Variants in RB1 observed in about 807,000 individuals in gnomAD.
RB1 encodes retinoblastoma-associated protein.
RB1 carries 18 observed loss-of-function variants against 135.4 expected under a neutral mutation model. The ratio of observed to expected loss-of-function variants is 0.13; its 90% CI spans 0.09 to 0.20. The LOEUF is 0.20. Among genes scored for constraint, RB1 ranks in the 10% least tolerant of loss-of-function variants. The probability of loss-of-function intolerance (pLI) is 1.00; values close to 1 mark genes in which losing one functional copy is unlikely to be tolerated. For missense variants in RB1, 868 were observed against 1,110.0 expected, an observed-to-expected ratio of 0.78 and a Z score of 3.10; for synonymous variants, 365 against 373.2, an observed-to-expected ratio of 0.98 and a Z score of 0.25.
rs2138364337 is a variant in RB1 at position 48,479,998 on chromosome 13, C to T, written c.2714C>T (p.Thr905Ile). 6.2e-7 allele frequency: 1 copy of T among 1,612,468 alleles called. No homozygotes were observed. ...SKFQQKLAEMTSTRTRMQKQK... is the reference protein window; with the variant it reads ...SKFQQKLAEMISTRTRMQKQK... Reference sequence around the variant, plus strand: ...TAACAGTTCTTCATCCTTTTTCCAGCTTCTACTCGAACACGAATGCAAAAG... The same window carrying T: ...TAACAGTTCTTCATCCTTTTTCCAGTTTCTACTCGAACACGAATGCAAAAG... Residue 905 changes from threonine (T) to isoleucine (I), a missense_variant and splice_region_variant, in exon 27 of 27, where the codon ACT becomes ATT. By Grantham distance (89) the Thr-to-Ile change is moderately conservative. Coordinates refer to ENST00000267163, the MANE Select transcript of RB1 (RefSeq NM_000321.3).
At chr13:48,474,883 G>A (rs750983722) in intron 24 of RB1, among the ~76,000 whole-genome samples, 1 of 151,902 alleles carries the variant, frequency 6.6e-6, no homozygotes, top group Non-Finnish European at 1.5e-5. Context: ...ATTCCCCTGA[G>A]AGCTTATATT....
intron 2 of RB1, among the ~76,000 whole-genome samples, chr13:48,331,968 T>C (rs1279861239): frequency 6.6e-6 from 1 of 152,220 alleles, no homozygotes; most frequent in Non-Finnish European, 1.5e-5. Context: ...ATTAAGATCA[T>C]GACAAACCCA....
rs142412820 is a variant in RB1 at position 48,419,910 on chromosome 13, A to G, written c.1696-33083A>G. ...GGCAGTAATTAATAGCGTACCAACC[A>G]AAAAAATCCCAGGAGCAGATGGATT... On this transcript the variant is annotated intron_variant, in intron 17 of 26. Coordinates refer to ENST00000267163, the MANE Select transcript of RB1 (RefSeq NM_000321.3). Among the ~76,000 whole-genome samples, 1,237 of 152,296 alleles carry G rather than the reference A, an allele frequency of 8.1e-3. 15 individuals carry two copies. Among genetic ancestry groups the G allele is most frequent in the African/African-American group, 0.028 (1,180 of 41,554 alleles).
At chr13:48,390,086 G>A (rs1246401159) in intron 17 of RB1, among the ~76,000 whole-genome samples, 1 of 152,138 alleles carries the variant, frequency 6.6e-6, no homozygotes, top group Non-Finnish European at 1.5e-5. Context: ...TGTTAAGGCT[G>A]CAGTGAGCTG....
intron 17 of RB1, among the ~76,000 whole-genome samples, chr13:48,386,828 A>T (rs1376471624): frequency 6.6e-6 from 1 of 152,228 alleles, no homozygotes; most frequent in Non-Finnish European, 1.5e-5. Flanking sequence ...TCAGTGAACC[A>T]GTATTTCCAA....
At chr13:48,395,808 A>G (rs1376435645) in intron 17 of RB1, among the ~76,000 whole-genome samples, 1 of 152,186 alleles carries the variant, frequency 6.6e-6, no homozygotes, top group African/African-American at 2.4e-5. Context: ...AAAACACTCT[A>G]CAGGATATTA....
At chr13:48,437,679 A>G (rs1422010513) in intron 17 of RB1, among the ~76,000 whole-genome samples, 1 of 152,156 alleles carries the variant, frequency 6.6e-6, no homozygotes, top group Non-Finnish European at 1.5e-5. Flanking sequence ...GGGCTACTCC[A>G]TAGCAGCTCC....
chr13:48,460,741 G>A (rs965126146), intron 20 of RB1, among the ~76,000 whole-genome samples: 2 of 152,094 alleles, frequency 1.3e-5, no homozygotes, highest in African/African-American at 4.8e-5. Flanking sequence ...TGGGCAGATC[G>A]CTTGAGCTCA....
In RB1 at chr13:48,456,231, G is replaced by T. The variant is rs761397680; in HGVS notation, c.1842G>T (p.Lys614Asn). Residue 614 changes from lysine to asparagine, a missense_variant, in exon 19 of 27, where the codon AAG (lysine) becomes AAT (asparagine). Around this residue, in one of 3 missense-constraint regions of RB1, gnomAD observed 641 missense variants for 791.3 expected, o/e 0.81. Coordinates refer to ENST00000267163, the MANE Select transcript of RB1 (RefSeq NM_000321.3). ...DMYLSPVRSP[K>N]KKGSTTRVNS... ...ATCTTTCTCCTGTAAGATCTCCAAA[G>T]AAAAAAGGTTCAACTACGCGTGTAA... is the stretch of plus-strand genomic sequence containing the variant. 6.2e-7 allele frequency: 1 copy of T among 1,614,014 alleles called. No individual in the cohort carries two copies. The highest frequency in any genetic ancestry group is 1.1e-5 in the South Asian group (1 of 91,068).
intron 6 of RB1, among the ~76,000 whole-genome samples, chr13:48,358,133 G>A (rs1474675502): frequency 2.0e-5 from 3 of 152,102 alleles, no homozygotes; most frequent in Non-Finnish European, 2.9e-5. Flanking sequence ...GAGAACTGGA[G>A]TTATCACTCA....
Position 48,304,009 on chromosome 13 carries a change from C to A in RB1, c.97C>A (p.Pro33Thr), listed in dbSNP as rs2138027777. 1 of 1,492,670 alleles carries A rather than the reference C, an allele frequency of 6.7e-7. No individual in the cohort carries two copies. The highest frequency in any genetic ancestry group is 8.9e-7 in the Non-Finnish European group (1 of 1,129,580). 92.5% of individuals were successfully genotyped at this position (1,492,670 alleles called of 1,614,324 possible). The change falls in exon 1 of 27, where the codon CCA (proline) becomes ACA (threonine). Residue 33 changes from proline to threonine, a missense_variant. Coordinates refer to ENST00000267163, the MANE Select transcript of RB1 (RefSeq NM_000321.3). ...PPPPPPPEED[P>T]EQDSGPEDLP... The stretch of plus-strand genomic sequence containing the variant: ...GCCGCCGCCCCCTCCTGAGGAGGAC[C>A]CAGAGCAGGACAGCGGCCCGGAGGA...
chr13:48,377,865 A>G (rs993131182), intron 13 of RB1, among the ~76,000 whole-genome samples: 3 of 152,192 alleles, frequency 2.0e-5, no homozygotes, highest in Non-Finnish European at 4.4e-5. Context: ...TTCCTAGGCT[A>G]CAGGCCTCTA....
chr13:48,369,935 A>T (rs1328824833), intron 11 of RB1, among the ~76,000 whole-genome samples: 3 of 152,184 alleles, frequency 2.0e-5, no homozygotes, highest in Non-Finnish European at 4.4e-5. Flanking sequence ...CAGAGACCAT[A>T]ACCTTTTTGT....
In RB1 at chr13:48,320,055, C is replaced by T. The variant is rs969861866; in HGVS notation, c.264+12649C>T. 1.3e-5 allele frequency: 7 copies of T among 537,062 alleles called. 1 individual carries two copies. In the East Asian group the frequency reaches 2.8e-4, roughly 22 times the overall value. The allele number at this position is 537,062 out of a possible 1,614,324, so 33.3% of individuals were successfully genotyped here. On this transcript the variant is annotated intron_variant, in intron 2 of 26. Coordinates refer to ENST00000267163, the MANE Select transcript of RB1 (RefSeq NM_000321.3). ...CTGCCAGCCCCGGGCTGTGCGGCTC[C>T]ACTCTTTGCCTTTAGGTACTCCCGG...
At chr13:48,430,972 A>G (rs1949124131) in intron 17 of RB1, among the ~76,000 whole-genome samples, 1 of 152,316 alleles carries the variant, frequency 6.6e-6, no homozygotes, top group African/African-American at 2.4e-5. Flanking sequence ...TCTAAGTATT[A>G]TATAAAATCT....
chr13:48,413,171 T>A (rs1237108900), intron 17 of RB1: 1 of 167,296 alleles, frequency 6.0e-6, no homozygotes, highest in East Asian at 1.9e-4. Context: ...AAGAAGAGGC[T>A]GGGTTTGGAC....
intron 17 of RB1, among the ~76,000 whole-genome samples, chr13:48,383,936 T>C (rs149809290): frequency 6.6e-5 from 10 of 152,188 alleles, no homozygotes; most frequent in Non-Finnish European, 1.2e-4. Context: ...AACACATATT[T>C]ATTGAACATA....
At chr13:48,466,136 C>T (rs1340118427) in intron 23 of RB1, among the ~76,000 whole-genome samples, 3 of 147,870 alleles carry the variant, frequency 2.0e-5, no homozygotes, top group African/African-American at 7.4e-5. Flanking sequence ...CAGCAGTAAC[C>T]TCTGCAGACT....
chr13:48,378,528 T>C (rs1308291811), intron 13 of RB1, among the ~76,000 whole-genome samples: 2 of 151,998 alleles, frequency 1.3e-5, no homozygotes, highest in African/African-American at 4.8e-5. Context: ...ATGATGATGC[T>C]ATCTTCTGGA....
Sources: gnomAD v4.1 joint callset for allele counts (sites outside exome capture counted in the v4.1 genomes callset) on GRCh38, gnomAD v4.1.1 for gene constraint, gnomAD v4.1.1 regional missense constraint, MANE v1.5 for transcripts, NCBI Gene and HGNC (gene_info 2026-07-23, HGNC 2026-07-21) for gene names.